The following CPSF2 variants were observed in gnomAD, a reference collection of about 807,000 sequenced individuals.
CPSF2 encodes cleavage and polyadenylation specific factor 2.
CPSF2 carries 51 observed loss-of-function variants against 84.2 expected under a neutral mutation model. That is an observed-to-expected ratio of 0.61 (90% CI 0.48 to 0.77). CPSF2 has a LOEUF of 0.77. Among genes scored for constraint, CPSF2 ranks in the 30% least tolerant of loss-of-function variants. The pLI is 0.00. For synonymous variants in CPSF2, 286 were observed against 311.9 expected, an observed-to-expected ratio of 0.92 and a Z score of 0.87; for missense variants, 641 against 929.4, an observed-to-expected ratio of 0.69 and a Z score of 4.03.
intron 9 of CPSF2, among the ~76,000 whole-genome samples, chr14:92,153,241 A>G (rs1353183097): frequency 6.6e-6 from 1 of 151,894 alleles, no homozygotes; most frequent in African/African-American, 2.4e-5. Flanking sequence ...GGATCTTTTC[A>G]TGGCCAGTAG....
chr14:92,152,428 C>CTAT (rs764524293), intron 9 of CPSF2, among the ~76,000 whole-genome samples: 1 of 149,578 alleles, frequency 6.7e-6, no homozygotes, highest in Admixed American at 6.7e-5. Flanking sequence ...CGCGCCCGGC[C>CTAT]TATTATTATT....
rs186479849 is a variant in CPSF2, at chr14:92,146,296, C to T, written c.1140+3002C>T. On this transcript the variant is annotated intron_variant, in intron 9 of 15. Coordinates refer to ENST00000298875, the MANE Select transcript of CPSF2 (RefSeq NM_017437.3). Reference sequence around the variant, plus strand: ...CAGCACTTTGGGAGGCAGAGGTGGGCGGATCACGAGGTCAGGAGTTCGAGA... The same window carrying T: ...CAGCACTTTGGGAGGCAGAGGTGGGTGGATCACGAGGTCAGGAGTTCGAGA... Among the ~76,000 whole-genome samples the T allele has an allele frequency of 5.9e-5, 9 of 152,008 alleles. No individual in the cohort carries two copies. In the East Asian group the frequency reaches 1.2e-3, roughly 20 times the overall value.
intron 11 of CPSF2, 133 bp downstream of exon 11, chr14:92,155,456 A>G: frequency 1.5e-6 from 1 of 679,940 alleles, no homozygotes. Flanking sequence ...TGAGTACCTC[A>G]GCCTGAAGAC....
intron 14 of CPSF2, among the ~76,000 whole-genome samples, chr14:92,160,458 G>C (rs1375809125): frequency 6.6e-6 from 1 of 152,192 alleles, no homozygotes; most frequent in East Asian, 1.9e-4. Flanking sequence ...TGCATGTCAA[G>C]TGATGTCTTC....
At chr14:92,158,962 C>T (rs2069328813) in intron 13 of CPSF2, 21 bp from the exon 14 acceptor site, 1 of 1,574,214 alleles carries the variant, frequency 6.4e-7, no homozygotes. Flanking sequence ...TTATTTCTCT[C>T]CCCCTCCTTT....
chr14:92,161,824 T>C lies in CPSF2; in HGVS notation c.*80T>C. ...ATCTTACTCTGAGCTTTTGATGTTTTGTTTTGTAACATACAAAAAGAATCT... is the reference window on the plus strand; with the variant it reads ...ATCTTACTCTGAGCTTTTGATGTTTCGTTTTGTAACATACAAAAAGAATCT... On this transcript the variant is annotated 3_prime_UTR_variant, in exon 16 of 16. Transcript: ENST00000298875. 1.2e-6 allele frequency: 1 copy of C among 804,226 alleles called. No individual in the cohort carries two copies. Among genetic ancestry groups the C allele is most frequent in the Non-Finnish European group, 1.9e-6 (1 of 517,638 alleles). The allele number at this position is 804,226 out of a possible 1,614,324, so 49.8% of individuals were successfully genotyped here.
chr14:92,125,474 C>T (rs931215012), intron 1 of CPSF2, among the ~76,000 whole-genome samples: 2 of 152,130 alleles, frequency 1.3e-5, no homozygotes, highest in African/African-American at 4.8e-5. Flanking sequence ...TAAATACTTT[C>T]GCTTTTTATC....
At chr14:92,123,877 C>T (rs2068812503) in intron 1 of CPSF2, among the ~76,000 whole-genome samples, 1 of 152,200 alleles carries the variant, frequency 6.6e-6, no homozygotes, top group African/African-American at 2.4e-5. Flanking sequence ...AAGATGATCA[C>T]TTTTACTCCT....
chr14:92,148,794 A>T (rs900143385), intron 9 of CPSF2, among the ~76,000 whole-genome samples: 1 of 147,738 alleles, frequency 6.8e-6, no homozygotes, highest in African/African-American at 2.5e-5. Flanking sequence ...AAAAGAAAGA[A>T]ATGTATATAT....
intron 15 of CPSF2, 48 bp from the exon 16 acceptor site, chr14:92,161,604 T>C: frequency 7.6e-7 from 1 of 1,313,348 alleles, no homozygotes; most frequent in South Asian, 1.3e-5. Flanking sequence ...TGTCTGCATA[T>C]TAATGAATAG....
At position 92,165,580 on chromosome 14, in the gene CPSF2, A is replaced by G. The variant is rs937787964; in HGVS notation, c.*3836A>G. On this transcript the variant is annotated 3_prime_UTR_variant, in exon 16 of 16. Transcript: ENST00000298875. The stretch of plus-strand genomic sequence containing the variant: ...TTGACTTTTTATATATTTTGGAGTA[A>G]TATCTGTTCATATCCTTTGTCCATT... 1.3e-5 allele frequency: 2 copies of G among 152,048 alleles called. No individual in the cohort carries two copies. The highest frequency in any genetic ancestry group is 1.3e-4 in the Admixed American group (2 of 15,252). 9.4% of individuals were successfully genotyped at this position (152,048 alleles called of 1,614,324 possible). A position where few individuals can be genotyped will look rare whatever the true frequency, so the allele number is the denominator to read the frequency against.
intron 3 of CPSF2, among the ~76,000 whole-genome samples, chr14:92,132,881 A>T (rs2068950902): frequency 6.6e-6 from 1 of 151,820 alleles, no homozygotes; most frequent in South Asian, 2.1e-4. Context: ...ACCTGAGGTC[A>T]GGAGTTTAAG....
At chr14:92,160,867 A>T (rs1052372111) in intron 14 of CPSF2, among the ~76,000 whole-genome samples, 1 of 152,228 alleles carries the variant, frequency 6.6e-6, no homozygotes, top group African/African-American at 2.4e-5. Flanking sequence ...ATGATGAGGC[A>T]TGACTAACAA....
intron 9 of CPSF2, among the ~76,000 whole-genome samples, chr14:92,147,638 T>C (rs1456654897): frequency 2.0e-5 from 3 of 152,212 alleles, no homozygotes; most frequent in Non-Finnish European, 4.4e-5. Context: ...AAACCCACTA[T>C]TTTCTGAATG....
intron 15 of CPSF2, 106 bp downstream of exon 15, chr14:92,161,352 G>T: frequency 7.6e-7 from 1 of 1,316,424 alleles, no homozygotes; most frequent in Non-Finnish European, 1.0e-6. Flanking sequence ...CTGAAGATCA[G>T]TAATTTATAT....
chr14:92,165,294 A>G lies in CPSF2; in HGVS notation c.*3550A>G, dbSNP rs2069429322. On this transcript the variant is annotated 3_prime_UTR_variant, in exon 16 of 16. Coordinates refer to ENST00000298875, the MANE Select transcript of CPSF2 (RefSeq NM_017437.3). Reference sequence around the variant, plus strand: ...TTTCAATTTTCTTGGATATATATCTAAGAATTAGAATTGCTGGATCATACA... The same window carrying G: ...TTTCAATTTTCTTGGATATATATCTGAGAATTAGAATTGCTGGATCATACA... The G allele has an allele frequency of 6.6e-6, 1 of 151,266 alleles. No individual in the cohort carries two copies. The highest frequency in any genetic ancestry group is 1.5e-5 in the Non-Finnish European group (1 of 67,926). The allele number at this position is 151,266 out of a possible 1,614,324, so 9.4% of individuals were successfully genotyped here. A position where few individuals can be genotyped will look rare whatever the true frequency, so the allele number is the denominator to read the frequency against.
chr14:92,134,829 T>C (rs1021465586), intron 5 of CPSF2, among the ~76,000 whole-genome samples: 1 of 152,174 alleles, frequency 6.6e-6, no homozygotes, highest in African/African-American at 2.4e-5. Context: ...CAGAGATAAT[T>C]GTATTAGATA....
chr14:92,154,037 AT>A, intron 9 of CPSF2: 1 of 175,664 alleles, frequency 5.7e-6, no homozygotes, highest in Non-Finnish European at 1.2e-5. Context: ...GAGTCAACCT[AT>A]GTTGCCCAGG....
rs1176541041 is a variant in CPSF2, at chr14:92,167,005, C to CTTTT, written c.*5266_*5269dup. On this transcript the variant is annotated 3_prime_UTR_variant, in exon 16 of 16. Coordinates refer to ENST00000298875, the MANE Select transcript of CPSF2 (RefSeq NM_017437.3). Reference sequence around the variant, plus strand: ...GAGTTTAGATTCTGCTTATCGATTTCTTTTTTTTCTTTTTTTTTTTTTTTG... The same window carrying CTTTT: ...GAGTTTAGATTCTGCTTATCGATTTCTTTTTTTTTTTTCTTTTTTTTTTTTTTTG... 4.8e-5 allele frequency: 5 copies of CTTTT among 103,828 alleles called. No individual in the cohort carries two copies. Among genetic ancestry groups the CTTTT allele is most frequent in the Admixed American group, 2.0e-4 (2 of 10,122 alleles). The allele number at this position is 103,828 out of a possible 1,614,324, so 6.4% of individuals were successfully genotyped here. A position where few individuals can be genotyped will look rare whatever the true frequency, so the allele number is the denominator to read the frequency against.
Sources: allele counts gnomAD v4.1 joint callset (sites outside exome capture counted in the v4.1 genomes callset), GRCh38; gene constraint gnomAD v4.1.1; transcripts MANE v1.5; gene names NCBI Gene and HGNC (gene_info 2026-07-23, HGNC 2026-07-21).